NKAIN2: variants seen among roughly 807,000 people sequenced by gnomAD.
NKAIN2 encodes sodium/potassium-transporting ATPase subunit beta-1-interacting protein 2.
A neutral mutation model predicts 32.6 loss-of-function variants in NKAIN2; 14 were observed. That is an observed-to-expected ratio of 0.43 (90% CI 0.28 to 0.67). The LOEUF is 0.67. NKAIN2 is among the 30% of genes least tolerant of loss of function. The pLI is 0.17. For synonymous variants in NKAIN2, 80 were observed against 87.2 expected, an observed-to-expected ratio of 0.92 and a Z score of 0.46; for missense variants, 198 against 258.3, an observed-to-expected ratio of 0.77 and a Z score of 1.60.
intron 1 of NKAIN2, among the ~76,000 whole-genome samples, chr6:124,092,453 C>A (rs2114930627): frequency 6.6e-6 from 1 of 152,098 alleles, no homozygotes; most frequent in South Asian, 2.1e-4. Flanking sequence ...TAACCTCCTT[C>A]CTGTTGATTT....
At chr6:124,399,185 C>T (rs1410495680) in intron 3 of NKAIN2, among the ~76,000 whole-genome samples, 1 of 152,118 alleles carries the variant, frequency 6.6e-6, no homozygotes, top group Non-Finnish European at 1.5e-5. Flanking sequence ...CCTTGGACTC[C>T]CAAAATGCTG....
intron 3 of NKAIN2, among the ~76,000 whole-genome samples, chr6:124,502,201 G>A (rs1778320078): frequency 1.3e-5 from 2 of 152,072 alleles, no homozygotes. Flanking sequence ...ATTTCAAGAG[G>A]TAACTTGAAA....
chr6:124,552,289 G>A (rs7747665), intron 3 of NKAIN2, among the ~76,000 whole-genome samples: 18,343 of 152,230 alleles, frequency 0.12, 1,296 homozygotes, highest in African/African-American at 0.18. Context: ...CTATGGCAGG[G>A]ATAGAAGATG....
At chr6:124,690,238 A>G (rs989167286) in intron 4 of NKAIN2, among the ~76,000 whole-genome samples, 11 of 151,932 alleles carry the variant, frequency 7.2e-5, no homozygotes, top group Admixed American at 7.2e-4. Context: ...TTTAATTTCA[A>G]ATTTTACTTG....
intron 1 of NKAIN2, among the ~76,000 whole-genome samples, chr6:124,159,241 T>C (rs1788147628): frequency 6.6e-6 from 1 of 152,214 alleles, no homozygotes; most frequent in African/African-American, 2.4e-5. Context: ...TTTAGTTTTG[T>C]CCTAATGCCA....
At chr6:124,472,110 A>C (rs113678642) in intron 3 of NKAIN2, among the ~76,000 whole-genome samples, 1 of 152,174 alleles carries the variant, frequency 6.6e-6, no homozygotes, top group African/African-American at 2.4e-5. Flanking sequence ...AGCCATTGTC[A>C]CATTTTATTA....
intron 3 of NKAIN2, among the ~76,000 whole-genome samples, chr6:124,501,391 A>G (rs992923444): frequency 2.0e-5 from 3 of 152,222 alleles, no homozygotes; most frequent in African/African-American, 7.2e-5. Context: ...CTGCCACATA[A>G]TTAGTGTGCA....
intron 3 of NKAIN2, among the ~76,000 whole-genome samples, chr6:124,482,652 A>G (rs561529118): frequency 1.3e-5 from 2 of 152,366 alleles, no homozygotes; most frequent in East Asian, 3.9e-4. Context: ...ACTTTCAAGA[A>G]AATTAAGACT....
At chr6:124,224,080 A>G (rs1417605944) in intron 1 of NKAIN2, among the ~76,000 whole-genome samples, 1 of 152,190 alleles carries the variant, frequency 6.6e-6, no homozygotes, top group Admixed American at 6.5e-5. Context: ...CAAGATGACA[A>G]CTGATACTTC....
intron 4 of NKAIN2, among the ~76,000 whole-genome samples, chr6:124,760,564 A>G (rs765199892): frequency 6.6e-6 from 1 of 152,060 alleles, no homozygotes; most frequent in African/African-American, 2.4e-5. Flanking sequence ...CTCAGTGTAG[A>G]TAAGTCTATT....
At chr6:124,155,115 G>A (rs802259) in intron 1 of NKAIN2, among the ~76,000 whole-genome samples, 151,877 of 152,244 alleles carry the variant, frequency 1, 75,758 homozygotes, top group Middle Eastern at 1. Flanking sequence ...GATATTTTTG[G>A]GAATGAGTTT....
At chr6:124,799,335 C>G (rs949225797) in intron 5 of NKAIN2, among the ~76,000 whole-genome samples, 2 of 152,178 alleles carry the variant, frequency 1.3e-5, no homozygotes. Flanking sequence ...TAACAGAAAA[C>G]ACATAAGCTA....
At chr6:124,075,642 C>G (rs973685600) in intron 1 of NKAIN2, among the ~76,000 whole-genome samples, 11 of 152,106 alleles carry the variant, frequency 7.2e-5, no homozygotes, top group Admixed American at 2.6e-4. Flanking sequence ...GTTGGCCAGC[C>G]TGGAATGCAG....
intron 1 of NKAIN2, among the ~76,000 whole-genome samples, chr6:123,959,211 C>T (rs1480376824): frequency 6.6e-6 from 1 of 152,114 alleles, no homozygotes; most frequent in African/African-American, 2.4e-5. Context: ...CCATTTAATC[C>T]GTTGAAGTTG....
intron 4 of NKAIN2, among the ~76,000 whole-genome samples, chr6:124,778,687 A>C: frequency 6.6e-6 from 1 of 152,134 alleles, no homozygotes; most frequent in South Asian, 2.1e-4. Flanking sequence ...TAGTAAGAGA[A>C]GCAATTCCAA....
intron 1 of NKAIN2, among the ~76,000 whole-genome samples, chr6:123,930,513 T>C (rs1451500679): frequency 6.6e-6 from 1 of 152,198 alleles, no homozygotes; most frequent in East Asian, 1.9e-4. Context: ...TTTTGGAAAT[T>C]CCTGACAACT....
chr6:124,034,810 A>C (rs1562320833), intron 1 of NKAIN2, among the ~76,000 whole-genome samples: 1 of 152,094 alleles, frequency 6.6e-6, no homozygotes, highest in South Asian at 2.1e-4. Flanking sequence ...AATAATAGAC[A>C]TTCTGACTGC....
chr6:124,581,433 G>A (rs1328497688), intron 3 of NKAIN2, among the ~76,000 whole-genome samples: 3 of 127,978 alleles, frequency 2.3e-5, no homozygotes, highest in Admixed American at 8.2e-5. Flanking sequence ...GCAACAGAGC[G>A]AGACTCCGTC....
At chr6:123,889,263 G>A (rs745871980) in intron 1 of NKAIN2, among the ~76,000 whole-genome samples, 4 of 152,006 alleles carry the variant, frequency 2.6e-5, no homozygotes, top group African/African-American at 9.7e-5. Context: ...TGACATATGC[G>A]GAGCTGGTTG....
Sources: gnomAD v4.1 joint callset for allele counts (sites outside exome capture counted in the v4.1 genomes callset) on GRCh38, gnomAD v4.1.1 for gene constraint, MANE v1.5 for transcripts, NCBI Gene and HGNC (gene_info 2026-07-23, HGNC 2026-07-21) for gene names.